Variants in C1D observed in about 807,000 individuals in gnomAD.
The protein encoded by C1D is nuclear nucleic acid-binding protein C1D.
Under a neutral mutation model 17.5 loss-of-function variants are expected in C1D, and 10 were observed. The ratio of observed to expected loss-of-function variants is 0.57; its 90% CI spans 0.35 to 0.97. The LOEUF (loss-of-function observed/expected upper bound fraction) is 0.97, where lower values mean the gene tolerates loss of function less well. Ranked by LOEUF, C1D falls within the 50% of genes least tolerant of loss-of-function variation. The pLI, the probability that C1D is intolerant of heterozygous loss-of-function variation, is 0.01. For missense variants in C1D, 136 were observed against 160.1 expected (o/e 0.85, Z 0.81); for synonymous variants, 49 against 54.0 (o/e 0.91, Z 0.40).
At chr2:68,050,332 A>AC (rs561542555) in intron 1 of C1D, among the ~76,000 whole-genome samples, 284 of 151,606 alleles carry the variant, frequency 1.9e-3, no homozygotes, top group African/African-American at 6.7e-3. Context: ...ACTTCATATC[A>AC]CCCCCCAGCT....
intron 1 of C1D, among the ~76,000 whole-genome samples, chr2:68,054,227 G>C (rs998691538): frequency 5.3e-5 from 8 of 152,114 alleles, no homozygotes; most frequent in African/African-American, 1.7e-4. Context: ...CCTAAACAAT[G>C]CAAGTTCTCT....
chr2:68,053,423 G>A lies in C1D; in HGVS notation c.-9-6104C>T, dbSNP rs567724187. 18 of 454,924 alleles carry A rather than the reference G, an allele frequency of 4.0e-5. 1 individual carries two copies. The South Asian group carries it at 5.1e-4, about 13-fold the overall frequency. 28.2% of individuals were successfully genotyped at this position (454,924 alleles called of 1,614,324 possible). A position where few individuals can be genotyped will look rare whatever the true frequency, so the allele number is the denominator to read the frequency against. On this transcript the variant is annotated intron_variant, in intron 1 of 4. Transcript: ENST00000410067. ...GCCAATCCAGGCAGAAACCTGGGAG[G>A]CACCCCAAATCCAATCAGTCCTGTC...
At position 68,042,329 on chromosome 2, in the gene C1D, G is replaced by A. The variant is rs957565928; in HGVS notation, c.*560C>T. 6.6e-6 allele frequency: 1 copy of A among 152,470 alleles called. No homozygotes were observed. The highest frequency in any genetic ancestry group is 1.5e-5 in the Non-Finnish European group (1 of 67,966). The allele number at this position is 152,470 out of a possible 1,614,324, so 9.4% of individuals were successfully genotyped here. On this transcript the variant is annotated 3_prime_UTR_variant, in exon 5 of 5. Coordinates refer to ENST00000410067, the MANE Select transcript of C1D (RefSeq NM_173177.3). ...ATTTTATTTTAAATGGGACATAGAG[G>A]CAACATGCCAAGAATTAAAGTACAA...
At chr2:68,058,792 C>T (rs1323260603) in intron 1 of C1D, among the ~76,000 whole-genome samples, 1 of 152,214 alleles carries the variant, frequency 6.6e-6, no homozygotes, top group African/African-American at 2.4e-5. Flanking sequence ...CCTGTCACTA[C>T]TCCACGTGAC....
chr2:68,045,002 T>C (rs1208536238), intron 4 of C1D, among the ~76,000 whole-genome samples: 1 of 152,182 alleles, frequency 6.6e-6, no homozygotes, highest in Non-Finnish European at 1.5e-5. Flanking sequence ...GACCTGCATA[T>C]CATATTGCTT....
intron 4 of C1D, among the ~76,000 whole-genome samples, chr2:68,044,677 C>A (rs1377034677): frequency 6.6e-6 from 1 of 151,806 alleles, no homozygotes; most frequent in Non-Finnish European, 1.5e-5. Flanking sequence ...CACTGCACTC[C>A]AGCCTGGGCG....
intron 1 of C1D, among the ~76,000 whole-genome samples, chr2:68,052,169 T>C (rs889983741): frequency 2.0e-5 from 3 of 152,072 alleles, no homozygotes; most frequent in Non-Finnish European, 2.9e-5. Flanking sequence ...GAACATTGTA[T>C]ATAACACATA....
chr2:68,055,754 G>GT (rs1274819830), intron 1 of C1D, among the ~76,000 whole-genome samples: 1 of 152,082 alleles, frequency 6.6e-6, no homozygotes, highest in African/African-American at 2.4e-5. Flanking sequence ...GTAAAATTAT[G>GT]TAACATTTTG....
chr2:68,062,141 G>C (rs1449679836), intron 1 of C1D, among the ~76,000 whole-genome samples: 1 of 152,128 alleles, frequency 6.6e-6, no homozygotes, highest in Non-Finnish European at 1.5e-5. Context: ...TTGCATGCCT[G>C]TATCAAAACA....
intron 1 of C1D, among the ~76,000 whole-genome samples, chr2:68,059,013 T>C (rs911363340): frequency 1.3e-5 from 2 of 152,206 alleles, no homozygotes; most frequent in Non-Finnish European, 2.9e-5. Context: ...TGCATTGCTA[T>C]GCAGGAATAC....
In C1D at chr2:68,046,915, T is replaced by C. The variant is rs929584037; in HGVS notation, c.138+258A>G. Among the ~76,000 whole-genome samples the C allele has an allele frequency of 4.6e-5, 7 of 151,946 alleles. No individual in the cohort carries two copies. The East Asian group carries it at 5.8e-4, about 13-fold the overall frequency. On this transcript the variant is annotated intron_variant, in intron 2 of 4. Coordinates refer to ENST00000410067, the MANE Select transcript of C1D (RefSeq NM_173177.3). ...ATTGTAATACTTAAAAGGTCAAAGATAGAGTCTGTCAAAAAGAATACCGTG... is the reference window on the plus strand; with the variant it reads ...ATTGTAATACTTAAAAGGTCAAAGACAGAGTCTGTCAAAAAGAATACCGTG...
chr2:68,041,557 A>C lies in C1D; in HGVS notation c.*1332T>G, dbSNP rs1173433418. On this transcript the variant is annotated 3_prime_UTR_variant, in exon 5 of 5. Transcript: ENST00000410067. ...ATGTTCACTAATGTTCTTCCACTTC[A>C]AAAACTGACATCAGAGACAGAAAAG... The C allele has an allele frequency of 6.6e-6, 1 of 152,020 alleles. No individual in the cohort carries two copies. Among genetic ancestry groups the C allele is most frequent in the Non-Finnish European group, 1.5e-5 (1 of 67,854 alleles). The allele number at this position is 152,020 out of a possible 1,614,324, so 9.4% of individuals were successfully genotyped here.
intron 2 of C1D, among the ~76,000 whole-genome samples, chr2:68,046,743 A>C (rs1429945329): frequency 6.6e-6 from 1 of 152,212 alleles, no homozygotes; most frequent in East Asian, 1.9e-4. Context: ...ATTTATCAAT[A>C]TAAACATTGT....
intron 4 of C1D, among the ~76,000 whole-genome samples, chr2:68,043,936 G>A (rs564671405): frequency 6.6e-6 from 1 of 152,270 alleles, no homozygotes; most frequent in African/African-American, 2.4e-5. Context: ...ACTAGCTACA[G>A]CACACACACA....
At chr2:68,061,195 T>C (rs1671619277) in intron 1 of C1D, among the ~76,000 whole-genome samples, 1 of 152,214 alleles carries the variant, frequency 6.6e-6, no homozygotes, top group Non-Finnish European at 1.5e-5. Context: ...TGTAATGACT[T>C]TTTCGCACTG....
intron 4 of C1D, among the ~76,000 whole-genome samples, chr2:68,044,633 G>A (rs903618533): frequency 1.3e-5 from 2 of 151,962 alleles, no homozygotes; most frequent in Non-Finnish European, 1.5e-5. Flanking sequence ...GTGTGAACCC[G>A]GGAGGTGGAG....
At chr2:68,046,607 T>C (rs1671129128) in intron 2 of C1D, 197 bp from the exon 3 acceptor site, 1 of 507,952 alleles carries the variant, frequency 2.0e-6, no homozygotes, top group Admixed American at 3.7e-5. Context: ...GAGTGACTTT[T>C]GTCCACACAT....
At chr2:68,059,783 GTTAAAA>G (rs1233601146) in intron 1 of C1D, among the ~76,000 whole-genome samples, 2 of 152,138 alleles carry the variant, frequency 1.3e-5, no homozygotes, top group Non-Finnish European at 2.9e-5. Flanking sequence ...TTCCCAACTT[GTTAAAA>G]TGCCTAAGGA....
intron 1 of C1D, among the ~76,000 whole-genome samples, chr2:68,060,118 A>T (rs575263018): frequency 9.8e-5 from 15 of 152,336 alleles, no homozygotes; most frequent in African/African-American, 3.6e-4. Flanking sequence ...AAACTTTGAC[A>T]ATAACCTTAT....
Sources: gnomAD v4.1 joint callset for allele counts (sites outside exome capture counted in the v4.1 genomes callset) on GRCh38, gnomAD v4.1.1 for gene constraint, MANE v1.5 for transcripts, NCBI Gene and HGNC (gene_info 2026-07-23, HGNC 2026-07-21) for gene names.